RNF114: variants seen among roughly 807,000 people sequenced by gnomAD.
The protein encoded by RNF114 is ring finger protein 114.
In RNF114, 6 loss-of-function variants were observed where a neutral mutation model predicts 28.4. That is an observed-to-expected ratio of 0.21 (90% CI 0.12 to 0.42). The LOEUF (loss-of-function observed/expected upper bound fraction) is 0.42. Among genes scored for constraint, RNF114 ranks in the 10% least tolerant of loss-of-function variants. RNF114 has a pLI of 1.00. For synonymous variants in RNF114, 115 were observed against 116.7 expected (o/e 0.99, Z 0.09); for missense variants, 249 against 311.7 (o/e 0.80, Z 1.51).
intron 1 of RNF114, among the ~76,000 whole-genome samples, chr20:49,936,897 C>T (rs905729580): frequency 6.6e-6 from 1 of 152,192 alleles, no homozygotes; most frequent in Non-Finnish European, 1.5e-5. Context: ...GGAGAGCCGA[C>T]GTTTCCTTTC....
intron 4 of RNF114, among the ~76,000 whole-genome samples, chr20:49,947,783 T>A (rs1052634292): frequency 1.9e-5 from 1 of 52,190 alleles, no homozygotes; most frequent in South Asian, 9.4e-4. Context: ...TTTTTTTTTT[T>A]TTTTTTTTTT....
chr20:49,938,838 C>G (rs958446377), intron 1 of RNF114, among the ~76,000 whole-genome samples: 4 of 152,222 alleles, frequency 2.6e-5, no homozygotes, highest in African/African-American at 9.6e-5. Flanking sequence ...CTGCTTTTAT[C>G]TGCATGCTGG....
intron 3 of RNF114, among the ~76,000 whole-genome samples, chr20:49,945,730 A>G (rs991970852): frequency 7.9e-5 from 12 of 152,234 alleles, no homozygotes; most frequent in South Asian, 2.1e-4. Context: ...CAGTGGTGCA[A>G]TCTCAGCTCA....
chr20:49,945,213 G>T, intron 2 of RNF114, 169 bp from the exon 3 acceptor site: 1 of 557,530 alleles, frequency 1.8e-6, no homozygotes, highest in Non-Finnish European at 3.3e-6. Context: ...GTATTAATGG[G>T]AAATCTGCAA....
At chr20:49,946,660 C>G (rs997001966) in intron 4 of RNF114, among the ~76,000 whole-genome samples, 4 of 152,126 alleles carry the variant, frequency 2.6e-5, no homozygotes, top group Admixed American at 6.6e-5. Flanking sequence ...TCCCCCTCCC[C>G]CCAAGGCAGA....
chr20:49,950,015 G>T (rs1489504057), intron 5 of RNF114, among the ~76,000 whole-genome samples: 1 of 151,472 alleles, frequency 6.6e-6, no homozygotes, highest in African/African-American at 2.4e-5. Context: ...ACTTTGGGAG[G>T]CCGAGGTGGG....
intron 1 of RNF114, among the ~76,000 whole-genome samples, chr20:49,937,217 A>T (rs1056304480): frequency 6.6e-6 from 1 of 152,220 alleles, no homozygotes. Flanking sequence ...ATAAATGTCC[A>T]GTCCAGGTCC....
intron 2 of RNF114, chr20:49,944,667 G>A (rs1474070390): frequency 6.6e-6 from 1 of 152,244 alleles, no homozygotes; most frequent in Non-Finnish European, 1.5e-5. Context: ...GATCACTTGA[G>A]GTCAGGAGTT....
rs1170487752 is a variant in RNF114, at chr20:49,953,508, G to A, written c.*1367G>A. 2 of 152,118 alleles carry A rather than the reference G, an allele frequency of 1.3e-5. No homozygotes were observed. The highest frequency in any genetic ancestry group is 1.9e-4 in the East Asian group (1 of 5,182). 9.4% of individuals were successfully genotyped at this position (152,118 alleles called of 1,614,324 possible). On this transcript the variant is annotated 3_prime_UTR_variant, in exon 6 of 6. Transcript: ENST00000244061. ...GTACACTGCTGCTGTGGGGCTCCGC[G>A]CCTGCCGGTGAAGAGCTGCAGATGC...
Position 49,947,769 on chromosome 20 carries a change from G to GTTTTTTT in RNF114, c.514-1445_514-1439dup, listed in dbSNP as rs71190519. 3.2e-3 allele frequency among the ~76,000 whole-genome samples: 161 copies of GTTTTTTT among 50,474 alleles called. 40 individuals are homozygous for GTTTTTTT. The highest frequency in any genetic ancestry group is 0.017 in the Middle Eastern group (1 of 58). The allele number at this position is 50,474 out of a possible 152,430, so 33.1% of individuals were successfully genotyped here. A position where few individuals can be genotyped will look rare whatever the true frequency, so the allele number is the denominator to read the frequency against. ...GTTCTGTCTTCCTCTCCCTCTGCAA[G>GTTTTTTT]TTTTTTTTTTTTTTTTTTTTTTTTT... On this transcript the variant is annotated intron_variant, in intron 4 of 5. Coordinates refer to ENST00000244061, the MANE Select transcript of RNF114 (RefSeq NM_018683.4).
intron 5 of RNF114, among the ~76,000 whole-genome samples, chr20:49,950,727 T>A (rs1002417063): frequency 6.6e-6 from 1 of 151,798 alleles, no homozygotes; most frequent in Non-Finnish European, 1.5e-5. Context: ...AACAACAATT[T>A]GGACTTGGGA....
intron 2 of RNF114, among the ~76,000 whole-genome samples, chr20:49,943,581 G>A (rs1455930282): frequency 6.6e-6 from 1 of 150,472 alleles, no homozygotes; most frequent in African/African-American, 2.5e-5. Flanking sequence ...AAATATTGGA[G>A]CATTTTTTTC....
In RNF114 at chr20:49,941,638, C is replaced by T. The variant is rs777328791; in HGVS notation, c.218C>T (p.Pro73Leu). The change falls in exon 2 of 6, where the codon CCT becomes CTT. Residue 73 changes from proline to leucine, a missense_variant. Around this residue, in one of 2 missense-constraint regions of RNF114, gnomAD observed 123 missense variants for 106.4 expected, o/e 1.16. Transcript: ENST00000244061. ...VCGVCRSALA[P>L]GVRAVELERQ... is the part of the protein sequence containing the mutation. ...GGGGTGTGTCGCAGCGCTCTGGCAC[C>T]TGGCGTCCGAGCCGTGGAGCTCGAG... 6 of 1,613,058 alleles carry T rather than the reference C, an allele frequency of 3.7e-6. No homozygotes were observed. Among genetic ancestry groups the T allele is most frequent in the Non-Finnish European group, 4.2e-6 (5 of 1,179,634 alleles).
intron 4 of RNF114, among the ~76,000 whole-genome samples, chr20:49,947,629 T>C (rs1267397549): frequency 6.6e-6 from 1 of 152,108 alleles, no homozygotes; most frequent in Non-Finnish European, 1.5e-5. Flanking sequence ...CTGTTATTGC[T>C]GAACTTTTCT....
rs78769293 is a variant in RNF114 at position 49,950,614 on chromosome 20, C to T, written c.621+1259C>T. 7.4e-3 allele frequency among the ~76,000 whole-genome samples: 1,067 copies of T among 144,910 alleles called. 10 individuals carry two copies. Among genetic ancestry groups the T allele is most frequent in the Non-Finnish European group, 0.012 (828 of 66,798 alleles). On this transcript the variant is annotated intron_variant, in intron 5 of 5. Transcript: ENST00000244061. ...AGGAGGATCTCTTGAGCCCAAGAGA[C>T]GGAGGTTGCAGCAAGCTGAGATCAT...
chr20:49,939,322 T>C (rs2090298559), intron 1 of RNF114, among the ~76,000 whole-genome samples: 1 of 152,230 alleles, frequency 6.6e-6, no homozygotes, highest in Admixed American at 6.5e-5. Context: ...ACCTTCTCTG[T>C]ACCTGGTCTG....
In RNF114 at chr20:49,941,647, G is replaced by A. The variant is rs147720529; in HGVS notation, c.227G>A (p.Arg76Gln). The A allele has an allele frequency of 6.3e-5, 102 of 1,612,834 alleles. No individual in the cohort carries two copies. The highest frequency in any genetic ancestry group is 2.2e-5 in the East Asian group (1 of 44,886). Residue 76 changes from arginine (R) to glutamine (Q), a missense_variant, in exon 2 of 6, where the codon CGA becomes CAA. Coordinates refer to ENST00000244061, the MANE Select transcript of RNF114 (RefSeq NM_018683.4). ...VCRSALAPGV[R>Q]AVELERQIES... Reference sequence around the variant, plus strand: ...CGCAGCGCTCTGGCACCTGGCGTCCGAGCCGTGGAGCTCGAGCGGCAGATC... The same window carrying A: ...CGCAGCGCTCTGGCACCTGGCGTCCAAGCCGTGGAGCTCGAGCGGCAGATC...
chr20:49,951,316 G>GTA (rs2146860961), intron 5 of RNF114, among the ~76,000 whole-genome samples: 1 of 151,432 alleles, frequency 6.6e-6, no homozygotes, highest in East Asian at 2.0e-4. Flanking sequence ...TAACAAAAAT[G>GTA]ACTCATTAAA....
chr20:49,947,224 C>T (rs1348743834), intron 4 of RNF114, among the ~76,000 whole-genome samples: 1 of 33,422 alleles, frequency 3.0e-5, no homozygotes, highest in African/African-American at 1.9e-4. Context: ...CCCCCCCCCC[C>T]CCCCCCCCCC....
Sources: allele counts gnomAD v4.1 joint callset (sites outside exome capture counted in the v4.1 genomes callset), GRCh38; gene constraint gnomAD v4.1.1; regional missense constraint gnomAD v4.1.1; transcripts MANE v1.5; gene names NCBI Gene and HGNC (gene_info 2026-07-23, HGNC 2026-07-21).